Variants in IL10RB observed in about 807,000 individuals in gnomAD.
The protein encoded by IL10RB is interleukin 10 receptor subunit beta.
In IL10RB, 30 loss-of-function variants were observed where a neutral mutation model predicts 38.7. The ratio of observed to expected loss-of-function variants is 0.78; its 90% confidence interval spans 0.58 to 1.05. IL10RB has a LOEUF of 1.05. Ranked by LOEUF, IL10RB falls within the 50% of genes least tolerant of loss-of-function variation. IL10RB has a pLI of 0.00. For synonymous variants in IL10RB, 142 were observed against 145.9 expected, an observed-to-expected ratio of 0.97 and a Z score of 0.19; for missense variants, 328 against 397.1, an observed-to-expected ratio of 0.83 and a Z score of 1.48.
intron 2 of IL10RB, among the ~76,000 whole-genome samples, chr21:33,273,347 A>T (rs1989114107): frequency 6.6e-6 from 1 of 152,236 alleles, no homozygotes; most frequent in African/African-American, 2.4e-5. Flanking sequence ...TGCATCTAAA[A>T]ATTATGTTTA....
intron 6 of IL10RB, among the ~76,000 whole-genome samples, chr21:33,289,156 G>A (rs966358899): frequency 1.3e-5 from 2 of 152,320 alleles, no homozygotes; most frequent in Middle Eastern, 3.4e-3. Context: ...TGCGCTGGAT[G>A]TGGGCTACTC....
intron 4 of IL10RB, among the ~76,000 whole-genome samples, chr21:33,280,265 C>A (rs561185889): frequency 6.6e-6 from 1 of 152,320 alleles, no homozygotes; most frequent in East Asian, 1.9e-4. Flanking sequence ...GTGTCCCACA[C>A]ACACCGCAAA....
intron 2 of IL10RB, among the ~76,000 whole-genome samples, chr21:33,269,152 G>A (rs1989029910): frequency 6.6e-6 from 1 of 152,220 alleles, no homozygotes; most frequent in South Asian, 2.1e-4. Context: ...CAGGGGCTGT[G>A]AAGGAAGAGT....
chr21:33,269,504 G>C (rs1306907375), intron 2 of IL10RB, among the ~76,000 whole-genome samples: 2 of 152,218 alleles, frequency 1.3e-5, no homozygotes, highest in Non-Finnish European at 2.9e-5. Flanking sequence ...AGAAGAAGTA[G>C]AAAGGTGAAT....
chr21:33,280,729 T>C (rs1989265644), intron 4 of IL10RB, among the ~76,000 whole-genome samples: 1 of 152,232 alleles, frequency 6.6e-6, no homozygotes, highest in Non-Finnish European at 1.5e-5. Context: ...ATATTACATA[T>C]ATGTTATCCC....
chr21:33,270,537 C>T (rs1485771566), intron 2 of IL10RB, among the ~76,000 whole-genome samples: 6 of 151,616 alleles, frequency 4.0e-5, no homozygotes, highest in East Asian at 1.9e-4. Context: ...CCCGCCACCA[C>T]GCCCGGCTAA....
At chr21:33,292,708 A>G (rs1016077342) in intron 6 of IL10RB, among the ~76,000 whole-genome samples, 9 of 152,152 alleles carry the variant, frequency 5.9e-5, no homozygotes, top group African/African-American at 1.9e-4. Flanking sequence ...GAACTCTCGT[A>G]TCTATGTTGT....
intron 4 of IL10RB, 79 bp downstream of exon 4, chr21:33,279,997 T>C: frequency 1.6e-6 from 2 of 1,281,944 alleles, no homozygotes; most frequent in Non-Finnish European, 2.3e-6. Context: ...CAGCACCTTA[T>C]GGACTGGTCC....
At chr21:33,274,971 T>G (rs1163373614) in intron 2 of IL10RB, among the ~76,000 whole-genome samples, 1 of 152,180 alleles carries the variant, frequency 6.6e-6, no homozygotes, top group Non-Finnish European at 1.5e-5. Flanking sequence ...TCATCTACAT[T>G]AAAAATCTGT....
At chr21:33,266,666 C>G (rs868388430) in intron 1 of IL10RB, 152 bp downstream of exon 1, 1 of 737,028 alleles carries the variant, frequency 1.4e-6, no homozygotes, top group African/African-American at 1.8e-5. Context: ...GCTGCTGAGA[C>G]GCAACTAGGC....
At position 33,296,681 on chromosome 21, in the gene IL10RB, G is replaced by T; in HGVS notation, c.*324G>T. Reference sequence around the variant, plus strand: ...GTGAGAAACAGGGCCGAGCACAGTGGCTCACGCCTGTAATACCAGCACCTT... The same window carrying T: ...GTGAGAAACAGGGCCGAGCACAGTGTCTCACGCCTGTAATACCAGCACCTT... On this transcript the variant is annotated 3_prime_UTR_variant, in exon 7 of 7. Coordinates refer to ENST00000290200, the MANE Select transcript of IL10RB (RefSeq NM_000628.5). 2.3e-6 allele frequency: 1 copy of T among 431,882 alleles called. No individual in the cohort carries two copies. The highest frequency in any genetic ancestry group is 4.5e-6 in the Non-Finnish European group (1 of 220,490). The allele number at this position is 431,882 out of a possible 1,614,324, so 26.8% of individuals were successfully genotyped here. A position where few individuals can be genotyped will look rare whatever the true frequency, so the allele number is the denominator to read the frequency against.
intron 6 of IL10RB, among the ~76,000 whole-genome samples, chr21:33,293,213 G>A (rs547115066): frequency 1.3e-5 from 2 of 152,300 alleles, no homozygotes; most frequent in East Asian, 1.9e-4. Flanking sequence ...CCACTTCTTG[G>A]CGTGTCTGGT....
In IL10RB at chr21:33,277,668, CTTTT is replaced by C. The variant is rs1216043179; in HGVS notation, c.331+933_331+936del. Reference sequence around the variant, plus strand: ...ATTTTCTTTTTTTCTTTCTTTCTTTCTTTTTTTTTTTTTTTTTTTTTGAGACAAA... The same window carrying C: ...ATTTTCTTTTTTTCTTTCTTTCTTTCTTTTTTTTTTTTTTTTTGAGACAAA... On this transcript the variant is annotated intron_variant, in intron 3 of 6. Coordinates refer to ENST00000290200, the MANE Select transcript of IL10RB (RefSeq NM_000628.5). Among the ~76,000 whole-genome samples, 3 of 92,984 alleles carry C rather than the reference CTTTT, an allele frequency of 3.2e-5. No homozygotes were observed. In the Admixed American group the frequency reaches 3.7e-4, roughly 11 times the overall value. 61.0% of individuals were successfully genotyped at this position (92,984 alleles called of 152,430 possible).
At chr21:33,294,390 C>G (rs73191832) in intron 6 of IL10RB, among the ~76,000 whole-genome samples, 1 of 148,892 alleles carries the variant, frequency 6.7e-6, no homozygotes, top group African/African-American at 2.5e-5. Flanking sequence ...TGTGTGTGTG[C>G]GTGTGTGTGT....
chr21:33,304,605 G>C (rs1038570479), intron 1 of IL10RB, among the ~76,000 whole-genome samples: 4 of 152,198 alleles, frequency 2.6e-5, no homozygotes, highest in African/African-American at 4.8e-5. Flanking sequence ...TGCCCTGAAA[G>C]GCCCCCTACC....
downstream of IL10RB, among the ~76,000 whole-genome samples, chr21:33,299,239 A>G (rs1399818161): frequency 6.6e-6 from 1 of 152,088 alleles, no homozygotes; most frequent in Admixed American, 6.6e-5. Context: ...TGTGACTTCA[A>G]TTTCCTTAGC....
chr21:33,274,496 T>A (rs1330747940), intron 2 of IL10RB, among the ~76,000 whole-genome samples: 1 of 152,210 alleles, frequency 6.6e-6, no homozygotes, highest in Non-Finnish European at 1.5e-5. Flanking sequence ...TCTTAAATAA[T>A]AAGATTTGAA....
intron 5 of IL10RB, among the ~76,000 whole-genome samples, chr21:33,286,882 G>C (rs1029972664): frequency 7.2e-5 from 11 of 152,040 alleles, no homozygotes; most frequent in Non-Finnish European, 1.5e-4. Flanking sequence ...AGGAGAATGA[G>C]GGAGTAGAAA....
chr21:33,297,824 A>AT (rs1205073623), downstream of IL10RB, among the ~76,000 whole-genome samples: 1 of 149,694 alleles, frequency 6.7e-6, no homozygotes, highest in Non-Finnish European at 1.5e-5. Flanking sequence ...TCAAAAAAAA[A>AT]GAAAGAAAGA....
Sources: allele counts gnomAD v4.1 joint callset (sites outside exome capture counted in the v4.1 genomes callset), GRCh38; gene constraint gnomAD v4.1.1; transcripts MANE v1.5; gene names NCBI Gene and HGNC (gene_info 2026-07-23, HGNC 2026-07-21).